Variants in SULT1C3 observed in about 807,000 individuals in gnomAD.
The protein encoded by SULT1C3 is sulfotransferase family 1C member 3, also known as sulfotransferase 1C3.
SULT1C3 carries 31 observed loss-of-function variants against 28.4 expected under a neutral mutation model. That is an observed-to-expected ratio of 1.09 (90% CI 0.82 to 1.47). The LOEUF (loss-of-function observed/expected upper bound fraction) is 1.47, where lower values mean the gene tolerates loss of function less well. Ranked by LOEUF, SULT1C3 falls within the 40% of genes most tolerant of loss-of-function variation. The probability of loss-of-function intolerance (pLI) is 0.00; values close to 1 mark genes in which losing one functional copy is unlikely to be tolerated. For synonymous variants in SULT1C3, 106 were observed against 92.2 expected (o/e 1.15, Z -0.86); for missense variants, 307 against 272.5 (o/e 1.13, Z -0.89).
intron 4 of SULT1C3, among the ~76,000 whole-genome samples, chr2:108,254,796 T>C (rs546269344): frequency 4.3e-4 from 57 of 133,850 alleles, no homozygotes; most frequent in Non-Finnish European, 7.2e-4. Flanking sequence ...TATATGTATG[T>C]ATGCATATAT....
chr2:108,249,653 G>C (rs924107606), intron 2 of SULT1C3, among the ~76,000 whole-genome samples: 1 of 152,050 alleles, frequency 6.6e-6, no homozygotes, highest in Admixed American at 6.6e-5. Context: ...CCTATCTACG[G>C]ATCAAAAGGA....
chr2:108,243,081 A>T (rs1675500635), intron 1 of SULT1C3, among the ~76,000 whole-genome samples: 1 of 152,228 alleles, frequency 6.6e-6, no homozygotes, highest in African/African-American at 2.4e-5. Flanking sequence ...TACAGGTGAA[A>T]CCAATGAGCC....
At position 108,247,277 on chromosome 2, in the gene SULT1C3, C is replaced by A. The variant is rs375856012; in HGVS notation, c.83C>A (p.Thr28Lys). ...ATCATGGAAGTAGATGGAGTCCCTA[C>A]GTTGATATTATCAAAAGAATGGTGG... ...FNIMEVDGVP[T>K]LILSKEWWEK... The change falls in exon 2 of 8, where the codon ACG (threonine) becomes AAG (lysine). Residue 28 changes from threonine to lysine, a missense_variant. Thr to Lys is a moderately conservative substitution (Grantham distance 78). Coordinates refer to ENST00000681802, the MANE Select transcript of SULT1C3 (RefSeq NM_001320878.2). 6.3e-7 allele frequency: 1 copy of A among 1,596,128 alleles called. No individual in the cohort carries two copies. The highest frequency in any genetic ancestry group is 8.5e-7 in the Non-Finnish European group (1 of 1,169,984).
intron 1 of SULT1C3, among the ~76,000 whole-genome samples, chr2:108,245,076 C>A (rs1675545677): frequency 6.6e-6 from 1 of 152,104 alleles, no homozygotes; most frequent in African/African-American, 2.4e-5. Flanking sequence ...GTATTGTGAT[C>A]AAGGATGGAG....
chr2:108,260,238 A>G (rs2104393541), intron 7 of SULT1C3, among the ~76,000 whole-genome samples: 1 of 152,246 alleles, frequency 6.6e-6, no homozygotes, highest in East Asian at 1.9e-4. Context: ...GTCCCCCAGG[A>G]AGTCCATGAT....
Position 108,247,167 on chromosome 2 carries a change from T to C in SULT1C3, c.-7-21T>C, listed in dbSNP as rs768306340. 7.5e-6 allele frequency: 11 copies of C among 1,469,662 alleles called. No homozygotes were observed. In the South Asian group the frequency reaches 1.4e-4, roughly 19 times the overall value. 91.0% of individuals were successfully genotyped at this position (1,469,662 alleles called of 1,614,324 possible). A position where few individuals can be genotyped will look rare whatever the true frequency, so the allele number is the denominator to read the frequency against. Reference sequence around the variant, plus strand: ...CAACATTTTTAAAAATTTTAATTAGTATTGATCTTACCCATCCCAGATTCC... The same window carrying C: ...CAACATTTTTAAAAATTTTAATTAGCATTGATCTTACCCATCCCAGATTCC... On this transcript the variant is annotated intron_variant, in intron 1 of 7. Transcript: ENST00000681802.
In SULT1C3 at chr2:108,253,436, C is replaced by G; in HGVS notation, c.393C>G (p.Asn131Lys). 1 of 1,541,960 alleles carries G rather than the reference C, an allele frequency of 6.5e-7. No individual in the cohort carries two copies. The highest frequency in any genetic ancestry group is 8.8e-7 in the Non-Finnish European group (1 of 1,140,636). Residue 131 changes from asparagine (N) to lysine (K), a missense_variant, in exon 4 of 8, where the codon AAC (asparagine) becomes AAG (lysine). Asn to Lys is a moderately conservative substitution (Grantham distance 94). Coordinates refer to ENST00000681802, the MANE Select transcript of SULT1C3 (RefSeq NM_001320878.2). ...TTCCACCATCTATCTGGAAAGAAAA[C>G]TGCAAGGTATAAAGAGGGGGCTTTT... Reference protein sequence around the residue: ...HLIPPSIWKENCKIVYVARNP... With the variant: ...HLIPPSIWKEKCKIVYVARNP...
Position 108,243,630 on chromosome 2 carries a change from C to CAA in SULT1C3, c.-7-3544_-7-3543dup, listed in dbSNP as rs34569653. On this transcript the variant is annotated intron_variant, in intron 1 of 7. Coordinates refer to ENST00000681802, the MANE Select transcript of SULT1C3 (RefSeq NM_001320878.2). The stretch of plus-strand genomic sequence containing the variant: ...TGGGTGACAGAGCAAGACTCTATCT[C>CAA]AAAAAAAAAAAAAAAGATATACTTC... Among the ~76,000 whole-genome samples, 86 of 129,878 alleles carry CAA rather than the reference C, an allele frequency of 6.6e-4. No homozygotes were observed. The South Asian group carries it at 8.1e-3, about 12-fold the overall frequency. 85.2% of individuals were successfully genotyped at this position (129,878 alleles called of 152,430 possible).
At chr2:108,249,849 A>G (rs1675685715) in intron 2 of SULT1C3, among the ~76,000 whole-genome samples, 1 of 152,056 alleles carries the variant, frequency 6.6e-6, no homozygotes, top group Non-Finnish European at 1.5e-5. Flanking sequence ...AACATTCAAA[A>G]GACTGTGATA....
chr2:108,258,834 T>A lies in SULT1C3; in HGVS notation c.621+6T>A. 6.2e-7 allele frequency: 1 copy of A among 1,607,396 alleles called. No homozygotes were observed. Among genetic ancestry groups the A allele is most frequent in the Non-Finnish European group, 8.5e-7 (1 of 1,175,082 alleles). On this transcript the variant is annotated splice_donor_region_variant and intron_variant, in intron 6 of 7. Coordinates refer to ENST00000681802, the MANE Select transcript of SULT1C3 (RefSeq NM_001320878.2). ...TCTACGAGGATATTAAAAAAGTAAG[T>A]GGCACTGAGACTTATAGGTCAGACC...
At chr2:108,244,837 T>C (rs1421421436) in intron 1 of SULT1C3, among the ~76,000 whole-genome samples, 1 of 152,164 alleles carries the variant, frequency 6.6e-6, no homozygotes, top group African/African-American at 2.4e-5. Flanking sequence ...GCCTGCCTGA[T>C]ATGATTGCTA....
chr2:108,260,287 C>A (rs1675988700), intron 7 of SULT1C3, among the ~76,000 whole-genome samples: 2 of 152,088 alleles, frequency 1.3e-5, no homozygotes, highest in Admixed American at 6.6e-5. Context: ...TACACTAGAG[C>A]CAGGAGTGTA....
rs531520947 is a variant in SULT1C3, at chr2:108,244,842, T to A, written c.-7-2346T>A. Among the ~76,000 whole-genome samples the A allele has an allele frequency of 3.9e-4, 59 of 152,284 alleles. 1 individual carries two copies. In the South Asian group the frequency reaches 0.012, roughly 31 times the overall value. ...TTCTCTTTGGGCCTGCCTGATATGA[T>A]TGCTAAAAGAGCTGGGTTGATTTTG... On this transcript the variant is annotated intron_variant, in intron 1 of 7. Transcript: ENST00000681802.
At chr2:108,253,293 AT>A in intron 3 of SULT1C3, 51 bp from the exon 4 acceptor site, 1 of 1,173,070 alleles carries the variant, frequency 8.5e-7, no homozygotes, top group Non-Finnish European at 1.2e-6. Flanking sequence ...GAATTCAAGT[AT>A]TTTGGCAGAG....
chr2:108,242,896 G>A (rs1237286624), intron 1 of SULT1C3, among the ~76,000 whole-genome samples: 1 of 152,118 alleles, frequency 6.6e-6, no homozygotes, highest in Non-Finnish European at 1.5e-5. Context: ...TCAGTCGACT[G>A]AGAGGAAAAA....
intron 2 of SULT1C3, among the ~76,000 whole-genome samples, chr2:108,251,568 AC>A (rs1675725951): frequency 1.3e-5 from 2 of 152,014 alleles, no homozygotes; most frequent in South Asian, 4.1e-4. Flanking sequence ...GTTCGCTAGA[AC>A]CTAATCAAGA....
At position 108,253,457 on chromosome 2, in the gene SULT1C3, CT is replaced by C; in HGVS notation, c.399+19del. The C allele has an allele frequency of 7.4e-7, 1 of 1,356,062 alleles. No individual in the cohort carries two copies. The highest frequency in any genetic ancestry group is 9.9e-7 in the Non-Finnish European group (1 of 1,006,378). 84.0% of individuals were successfully genotyped at this position (1,356,062 alleles called of 1,614,324 possible). A position where few individuals can be genotyped will look rare whatever the true frequency, so the allele number is the denominator to read the frequency against. On this transcript the variant is annotated intron_variant, in intron 4 of 7. Transcript: ENST00000681802. ...AAAACTGCAAGGTATAAAGAGGGGG[CT>C]TTTCAAACTTCTCTTAGCTTGGTGA... is the stretch of plus-strand genomic sequence containing the variant.
chr2:108,249,078 C>A (rs1675662400), intron 2 of SULT1C3, among the ~76,000 whole-genome samples: 1 of 152,116 alleles, frequency 6.6e-6, no homozygotes, highest in Non-Finnish European at 1.5e-5. Flanking sequence ...AGGAGCTTGG[C>A]AAAACACCCT....
At position 108,252,480 on chromosome 2, in the gene SULT1C3, T is replaced by C. The variant is rs772456826; in HGVS notation, c.288T>C (p.His96=). 1.2e-6 allele frequency: 2 copies of C among 1,611,830 alleles called. No individual in the cohort carries two copies. The highest frequency in any genetic ancestry group is 2.2e-5 in the East Asian group (1 of 44,730). The change falls in exon 3 of 8, where the codon CAT becomes CAC. Residue 96 remains histidine (H), a synonymous_variant. Transcript: ENST00000681802. ...RHAFLELKFP[H]KEKPDLEFVL... ...CTTTCCTTGAACTGAAATTTCCCCA[T>C]AAAGAAAAACCAGGTGAGTAATATG...
Sources: gnomAD v4.1 joint callset for allele counts (sites outside exome capture counted in the v4.1 genomes callset) on GRCh38, gnomAD v4.1.1 for gene constraint, MANE v1.5 for transcripts, NCBI Gene and HGNC (gene_info 2026-07-23, HGNC 2026-07-21) for gene names.